The following NFKBIZ variants were observed in gnomAD, a reference collection of about 807,000 sequenced individuals.
The protein encoded by NFKBIZ is NFKB inhibitor zeta, also known as NF-kappa-B inhibitor zeta.
NFKBIZ carries 19 observed loss-of-function variants against 76.8 expected under a neutral mutation model. The ratio of observed to expected loss-of-function variants is 0.25; its 90% CI spans 0.17 to 0.36. NFKBIZ has a LOEUF of 0.36. Ranked by LOEUF, NFKBIZ falls within the 10% of genes least tolerant of loss-of-function variation. The pLI, the probability that NFKBIZ is intolerant of heterozygous loss-of-function variation, is 1.00. For synonymous variants in NFKBIZ, 368 were observed against 354.8 expected, an observed-to-expected ratio of 1.04 and a Z score of -0.42; for missense variants, 829 against 910.9, an observed-to-expected ratio of 0.91 and a Z score of 1.16.
At chr3:101,849,479 C>G (rs1330685360), upstream of NFKBIZ, 3 of 613,286 alleles carry the variant, frequency 4.9e-6, no homozygotes, top group African/African-American at 1.9e-5. Context: ...AGCGCTGCGG[C>G]CCGTTAAATA....
upstream of NFKBIZ, among the ~76,000 whole-genome samples, chr3:101,844,537 T>G (rs954677852): frequency 6.6e-6 from 1 of 152,240 alleles, no homozygotes; most frequent in African/African-American, 2.4e-5. Context: ...GAAAAGTTAT[T>G]GTACATTTTG....
chr3:101,858,520 G>C (rs948081258), intron 11 of NFKBIZ: 5 of 827,292 alleles, frequency 6.0e-6, no homozygotes. Context: ...GGATCATTGA[G>C]ATATTAAGCC....
chr3:101,851,977 C>G (rs1942971950), intron 1 of NFKBIZ, 108 bp from the exon 2 acceptor site: 23 of 1,344,116 alleles, frequency 1.7e-5, no homozygotes, highest in Admixed American at 4.6e-5. Flanking sequence ...TTGCAATGTG[C>G]TGCTTGGGGA....
intron 2 of NFKBIZ, among the ~76,000 whole-genome samples, chr3:101,836,647 A>G (rs1244916329): frequency 3.3e-5 from 5 of 152,242 alleles, no homozygotes; most frequent in Non-Finnish European, 7.3e-5. Context: ...TGATAATTAG[A>G]TTGCTGGATA....
chr3:101,834,269 C>A (rs1942685028), intron 2 of NFKBIZ, among the ~76,000 whole-genome samples: 1 of 152,104 alleles, frequency 6.6e-6, no homozygotes, highest in South Asian at 2.1e-4. Flanking sequence ...ACCTCTGACC[C>A]TCATCTCTCT....
intron 11 of NFKBIZ, chr3:101,858,279 A>G: frequency 1.0e-6 from 1 of 969,238 alleles, no homozygotes; most frequent in African/African-American, 1.8e-5. Flanking sequence ...CTATTTATAG[A>G]GCTCTTTGTA....
Position 101,860,415 on chromosome 3 carries a change from C to G in NFKBIZ, c.*1044C>G, listed in dbSNP as rs1180870323. ...TGGTCTTGAACTCCTGAGCTCATGC[C>G]ATCTGCCTGCCTTAGTCTCCCAAAA... is the stretch of plus-strand genomic sequence containing the variant. On this transcript the variant is annotated 3_prime_UTR_variant, in exon 12 of 12. Coordinates refer to ENST00000326172, the MANE Select transcript of NFKBIZ (RefSeq NM_031419.4). 6.6e-6 allele frequency: 1 copy of G among 152,092 alleles called. No homozygotes were observed. Among genetic ancestry groups the G allele is most frequent in the Admixed American group, 6.6e-5 (1 of 15,252 alleles). 9.4% of individuals were successfully genotyped at this position (152,092 alleles called of 1,614,324 possible).
Position 101,857,965 on chromosome 3 carries a change from T to C in NFKBIZ, c.2103+506T>C, listed in dbSNP as rs543060179. On this transcript the variant is annotated intron_variant, in intron 11 of 11. Coordinates refer to ENST00000326172, the MANE Select transcript of NFKBIZ (RefSeq NM_031419.4). ...AAAAATGGAAAAATTACTTATGTAA[T>C]TTCAAACCTAGAAATATTTTGTTTT... 35 of 832,208 alleles carry C rather than the reference T, an allele frequency of 4.2e-5. No homozygotes were observed. In the South Asian group the frequency reaches 1.7e-3, roughly 41 times the overall value. 51.6% of individuals were successfully genotyped at this position (832,208 alleles called of 1,614,324 possible). A position where few individuals can be genotyped will look rare whatever the true frequency, so the allele number is the denominator to read the frequency against.
chr3:101,855,539 G>A, intron 8 of NFKBIZ, 81 bp downstream of exon 8: 1 of 1,387,572 alleles, frequency 7.2e-7, no homozygotes, highest in South Asian at 1.2e-5. Flanking sequence ...TACTAAGAAG[G>A]AAGGTAATTA....
rs1419242029 is a variant in NFKBIZ at position 101,859,321 on chromosome 3, C to T, written c.2107C>T (p.Arg703Ter). The change falls in exon 12 of 12, where the codon CGA (arginine) becomes TGA (stop). Residue 703 changes from arginine (R) to a stop codon, truncating the protein, a stop_gained. Coordinates refer to ENST00000326172, the MANE Select transcript of NFKBIZ (RefSeq NM_031419.4). LOFTEE classifies it high-confidence loss of function. ...ATTTTATTTGTTTCTCTTCCAGATC[C>T]GACGTATCCTGAAGGGAAAGTCCAT... ...VPDGPVGEQI[R>*]RILKGKSIQQ... The T allele has an allele frequency of 6.2e-7, 1 of 1,613,266 alleles. No homozygotes were observed. The highest frequency in any genetic ancestry group is 8.5e-7 in the Non-Finnish European group (1 of 1,179,352).
chr3:101,838,070 A>G (rs1244090968), intron 2 of NFKBIZ, among the ~76,000 whole-genome samples: 1 of 152,230 alleles, frequency 6.6e-6, no homozygotes, highest in Non-Finnish European at 1.5e-5. Flanking sequence ...GAAAAATTCA[A>G]TATAGATGCA....
At chr3:101,841,795 T>A (rs1168575446) in intron 2 of NFKBIZ, among the ~76,000 whole-genome samples, 1 of 152,218 alleles carries the variant, frequency 6.6e-6, no homozygotes. Context: ...TTTTTATATT[T>A]ACAAGATAGA....
At chr3:101,857,487 A>AT (rs780716135) in intron 11 of NFKBIZ, 28 bp downstream of exon 11, 2 of 1,612,356 alleles carry the variant, frequency 1.2e-6, no homozygotes, top group East Asian at 2.2e-5. Context: ...GAGAGGAAGT[A>AT]TTTTTTGGCA....
In NFKBIZ at chr3:101,857,069, C is replaced by T; in HGVS notation, c.1825-4C>T. On this transcript the variant is annotated splice_region_variant and splice_polypyrimidine_tract_variant and intron_variant, in intron 9 of 11. Transcript: ENST00000326172. ...TTTTTTTCCTCCCTCTTGCCTTTGACAAGGATCGCAAAAGTGGCCGCACAG... is the reference window on the plus strand; with the variant it reads ...TTTTTTTCCTCCCTCTTGCCTTTGATAAGGATCGCAAAAGTGGCCGCACAG... The T allele has an allele frequency of 6.3e-7, 1 of 1,581,714 alleles. No homozygotes were observed. The highest frequency in any genetic ancestry group is 8.6e-7 in the Non-Finnish European group (1 of 1,156,784).
intron 1 of NFKBIZ, among the ~76,000 whole-genome samples, chr3:101,829,078 C>T (rs971399178): frequency 2.6e-5 from 4 of 152,144 alleles, no homozygotes; most frequent in Non-Finnish European, 4.4e-5. Flanking sequence ...AGGGCATCAG[C>T]CACACAGATC....
At chr3:101,843,285 TA>T (rs1011228111) in intron 2 of NFKBIZ, among the ~76,000 whole-genome samples, 13 of 150,700 alleles carry the variant, frequency 8.6e-5, no homozygotes, top group African/African-American at 3.2e-4. Flanking sequence ...ACATGAAAAA[TA>T]AAAAAAATTA....
chr3:101,852,374 C>A, intron 2 of NFKBIZ, 150 bp downstream of exon 2: 1 of 1,019,764 alleles, frequency 9.8e-7, no homozygotes, highest in Non-Finnish European at 1.4e-6. Flanking sequence ...CCATATTTGT[C>A]TGGTCTGTTG....
intron 2 of NFKBIZ, among the ~76,000 whole-genome samples, chr3:101,833,555 T>G (rs777027422): frequency 6.6e-6 from 1 of 152,184 alleles, no homozygotes; most frequent in Non-Finnish European, 1.5e-5. Flanking sequence ...TGCGTTTAAT[T>G]TGAGGTGGAA....
chr3:101,830,462 C>T (rs762837340), intron 2 of NFKBIZ, among the ~76,000 whole-genome samples: 1 of 152,138 alleles, frequency 6.6e-6, no homozygotes, highest in Non-Finnish European at 1.5e-5. Context: ...ATTTTTCAGC[C>T]CTTGCTTTCC....
Sources: allele counts gnomAD v4.1 joint callset (sites outside exome capture counted in the v4.1 genomes callset), GRCh38; gene constraint gnomAD v4.1.1; transcripts MANE v1.5; gene names NCBI Gene and HGNC (gene_info 2026-07-23, HGNC 2026-07-21).